The following MYT1L variants were observed in gnomAD, a reference collection of about 807,000 sequenced individuals.
MYT1L encodes the protein myelin transcription factor 1-like protein.
MYT1L carries 12 observed loss-of-function variants against 126.7 expected under a neutral mutation model. That is an observed-to-expected ratio of 0.09 (90% CI 0.06 to 0.15). MYT1L has a LOEUF of 0.15. MYT1L is among the 10% of genes least tolerant of loss of function. MYT1L has a pLI of 1.00. For missense variants in MYT1L, 979 were observed against 1,585.2 expected, an observed-to-expected ratio of 0.62 and a Z score of 6.49; for synonymous variants, 541 against 604.2, an observed-to-expected ratio of 0.90 and a Z score of 1.53.
intron 11 of MYT1L, among the ~76,000 whole-genome samples, chr2:1,916,976 G>A (rs1360882433): frequency 6.6e-6 from 1 of 152,224 alleles, no homozygotes; most frequent in Admixed American, 6.5e-5. Flanking sequence ...CCAGGCCTGT[G>A]CAGGAGCTTT....
At chr2:1,990,946 C>A (rs2061410121) in intron 5 of MYT1L, among the ~76,000 whole-genome samples, 1 of 152,236 alleles carries the variant, frequency 6.6e-6, no homozygotes, top group East Asian at 1.9e-4. Flanking sequence ...CCATCTGGGT[C>A]CTCCTGCCGT....
intron 23 of MYT1L, among the ~76,000 whole-genome samples, chr2:1,794,608 C>G (rs776784297): frequency 1.3e-5 from 2 of 152,266 alleles, no homozygotes; most frequent in Non-Finnish European, 2.9e-5. Context: ...CTTGGGGACA[C>G]ATTTTAGATC....
chr2:2,252,736 C>T (rs1010584499), intron 2 of MYT1L, among the ~76,000 whole-genome samples: 1 of 152,120 alleles, frequency 6.6e-6, no homozygotes, highest in African/African-American at 2.4e-5. Context: ...AAGAGGCCAT[C>T]GTCTTCTTCA....
chr2:2,303,807 A>G (rs1052365949), intron 1 of MYT1L: 2 of 152,262 alleles, frequency 1.3e-5, no homozygotes, highest in African/African-American at 2.4e-5. Flanking sequence ...TGCCAAGGAT[A>G]GCCACCTTCC....
At chr2:1,978,437 A>T (rs1416913874) in intron 8 of MYT1L, among the ~76,000 whole-genome samples, 1 of 152,202 alleles carries the variant, frequency 6.6e-6, no homozygotes. Context: ...TAGGGAAAAA[A>T]TGCTTACCAG....
At chr2:2,050,797 G>A (rs755449642) in intron 4 of MYT1L, among the ~76,000 whole-genome samples, 1 of 152,136 alleles carries the variant, frequency 6.6e-6, no homozygotes, top group Non-Finnish European at 1.5e-5. Context: ...CTTTGCCGTG[G>A]CGGTGGTGCT....
intron 8 of MYT1L, among the ~76,000 whole-genome samples, chr2:1,960,815 T>C (rs1460707847): frequency 6.6e-6 from 1 of 152,136 alleles, no homozygotes; most frequent in Non-Finnish European, 1.5e-5. Flanking sequence ...TCCTTGCATG[T>C]CACCTGCAGC....
chr2:2,101,516 T>C (rs1259158884), intron 3 of MYT1L, among the ~76,000 whole-genome samples: 2 of 151,980 alleles, frequency 1.3e-5, no homozygotes, highest in East Asian at 1.9e-4. Flanking sequence ...CATACATCCA[T>C]CTATCCACTC....
chr2:2,078,574 T>C (rs2075466554), intron 3 of MYT1L, among the ~76,000 whole-genome samples: 1 of 152,144 alleles, frequency 6.6e-6, no homozygotes. Context: ...AAGACAATGT[T>C]TCAAAATTAG....
chr2:2,037,680 C>T (rs549066096), intron 4 of MYT1L, among the ~76,000 whole-genome samples: 16 of 151,294 alleles, frequency 1.1e-4, no homozygotes, highest in South Asian at 2.1e-4. Context: ...CACTTGAGCC[C>T]GGGAGGTGGA....
intron 4 of MYT1L, among the ~76,000 whole-genome samples, chr2:2,010,675 T>C (rs2063739039): frequency 6.6e-6 from 1 of 152,174 alleles, no homozygotes; most frequent in Admixed American, 6.5e-5. Flanking sequence ...TTCTATGCAA[T>C]GGCTTTGTGA....
chr2:2,183,395 C>G (rs1291710229), intron 2 of MYT1L, among the ~76,000 whole-genome samples: 1 of 152,004 alleles, frequency 6.6e-6, no homozygotes, highest in Non-Finnish European at 1.5e-5. Context: ...AGGGTGGGGC[C>G]AGGCGGTAGG....
intron 4 of MYT1L, among the ~76,000 whole-genome samples, chr2:2,007,435 A>C (rs1463785939): frequency 1.3e-5 from 2 of 152,214 alleles, no homozygotes; most frequent in Non-Finnish European, 2.9e-5. Context: ...ACAAAACAGA[A>C]TTACAGAAAC....
rs754851515 is a variant in MYT1L at position 1,892,312 on chromosome 2, C to T, written c.2033-25G>A. 43 of 1,543,234 alleles carry T rather than the reference C, an allele frequency of 2.8e-5. No homozygotes were observed. The East Asian group carries it at 1.0e-3, about 37-fold the overall frequency. On this transcript the variant is annotated intron_variant, in intron 14 of 24. Transcript: ENST00000647738. ...GCTGGGGAGACAGGGACAGGGATGA[C>T]TCAGGCCCCGGCCGCAGGGCACACG...
At chr2:1,833,079 T>C (rs1048397169) in intron 21 of MYT1L, among the ~76,000 whole-genome samples, 2 of 152,122 alleles carry the variant, frequency 1.3e-5, no homozygotes, top group Admixed American at 6.5e-5. Context: ...CAGGTTGAGC[T>C]CTCCTCGGGC....
intron 4 of MYT1L, among the ~76,000 whole-genome samples, chr2:2,005,653 T>G (rs1333616343): frequency 1.3e-5 from 2 of 151,408 alleles, no homozygotes; most frequent in Non-Finnish European, 2.9e-5. Context: ...CGTTCTTTCC[T>G]GAATATGTTC....
rs76076517 is a variant in MYT1L, at chr2:2,132,817, T to C, written c.-304+40055A>G. Among the ~76,000 whole-genome samples the C allele has an allele frequency of 9.5e-4, 144 of 152,224 alleles. 3 individuals carry two copies. The East Asian group carries it at 0.021, about 22-fold the overall frequency. On this transcript the variant is annotated intron_variant, in intron 3 of 24. Transcript: ENST00000647738. Reference sequence around the variant, plus strand: ...AATAGACTAAGTCTACAGAAATATATGAACTAAAAAATTAAGTCCTTTCAA... The same window carrying C: ...AATAGACTAAGTCTACAGAAATATACGAACTAAAAAATTAAGTCCTTTCAA...
At chr2:2,232,436 G>T (rs1254724970) in intron 2 of MYT1L, among the ~76,000 whole-genome samples, 1 of 152,208 alleles carries the variant, frequency 6.6e-6, no homozygotes, top group African/African-American at 2.4e-5. Flanking sequence ...GGTGGAAAAG[G>T]CACTGGACTT....
chr2:1,948,474 G>C (rs771061855), intron 8 of MYT1L, among the ~76,000 whole-genome samples: 3 of 152,108 alleles, frequency 2.0e-5, no homozygotes, highest in Non-Finnish European at 4.4e-5. Context: ...CGTGGCTCGA[G>C]GCCCTGCTTA....
Sources: gnomAD v4.1 joint callset for allele counts (sites outside exome capture counted in the v4.1 genomes callset) on GRCh38, gnomAD v4.1.1 for gene constraint, MANE v1.5 for transcripts, NCBI Gene and HGNC (gene_info 2026-07-23, HGNC 2026-07-21) for gene names.